The following SLC35F4 variants were observed in gnomAD, a reference collection of about 807,000 sequenced individuals.
SLC35F4 encodes the protein solute carrier family 35 member F4.
SLC35F4 carries 24 observed loss-of-function variants against 44.2 expected under a neutral mutation model. The observed-to-expected ratio is 0.54, with a 90% confidence interval of 0.39 to 0.76. The LOEUF is 0.76. SLC35F4 is among the 30% of genes least tolerant of loss of function. SLC35F4 has a pLI of 0.00. For synonymous variants in SLC35F4, 238 were observed against 223.6 expected, an observed-to-expected ratio of 1.06 and a Z score of -0.57; for missense variants, 562 against 586.1, an observed-to-expected ratio of 0.96 and a Z score of 0.42.
At chr14:57,861,211 G>A (rs1375227796) in intron 1 of SLC35F4, among the ~76,000 whole-genome samples, 2 of 151,948 alleles carry the variant, frequency 1.3e-5, no homozygotes, top group African/African-American at 2.4e-5. Flanking sequence ...CTCTCATTTG[G>A]TGATCTCTCT....
At chr14:57,646,715 G>C (rs1372031716) in intron 1 of SLC35F4, among the ~76,000 whole-genome samples, 1 of 152,084 alleles carries the variant, frequency 6.6e-6, no homozygotes, top group African/African-American at 2.4e-5. Context: ...TGTGATGTTA[G>C]GGTGTCAAAT....
At chr14:57,803,763 T>G (rs1880961259) in intron 1 of SLC35F4, among the ~76,000 whole-genome samples, 2 of 151,976 alleles carry the variant, frequency 1.3e-5, no homozygotes, top group South Asian at 4.2e-4. Context: ...CTAATTTTTG[T>G]ATTGTTAGTA....
At chr14:57,846,152 T>C (rs1886003559) in intron 1 of SLC35F4, among the ~76,000 whole-genome samples, 1 of 152,148 alleles carries the variant, frequency 6.6e-6, no homozygotes, top group Admixed American at 6.6e-5. Context: ...GGTAATCAGA[T>C]AATCTGCCTC....
intron 4 of SLC35F4, chr14:57,578,487 A>AT (rs2068986058): frequency 6.6e-6 from 1 of 151,856 alleles, no homozygotes. Flanking sequence ...AAATGACCTA[A>AT]TTATATGTGT....
At chr14:57,944,225 A>G (rs1345852596) in intron 1 of SLC35F4, among the ~76,000 whole-genome samples, 2 of 152,142 alleles carry the variant, frequency 1.3e-5, no homozygotes, top group Non-Finnish European at 2.9e-5. Context: ...TATCCAATTC[A>G]TTTTATTTTC....
chr14:57,728,441 CTTTTTTTT>C (rs869064667), intron 1 of SLC35F4, among the ~76,000 whole-genome samples: 2 of 59,028 alleles, frequency 3.4e-5, no homozygotes, highest in South Asian at 8.4e-4. Context: ...TTCTTTCTTT[CTTTTTTTT>C]TTTTTTTTTT....
At chr14:57,819,216 C>T (rs1324001666) in intron 1 of SLC35F4, among the ~76,000 whole-genome samples, 1 of 152,046 alleles carries the variant, frequency 6.6e-6, no homozygotes, top group African/African-American at 2.4e-5. Context: ...AAACCAATAA[C>T]ACTCCTTTTT....
At chr14:57,666,191 A>G (rs2074302532) in intron 1 of SLC35F4, among the ~76,000 whole-genome samples, 1 of 152,220 alleles carries the variant, frequency 6.6e-6, no homozygotes, top group Admixed American at 6.5e-5. Flanking sequence ...AGGCACCAAC[A>G]GGGTAAACAA....
At chr14:57,897,856 T>C (rs892342107) in intron 1 of SLC35F4, among the ~76,000 whole-genome samples, 1 of 152,138 alleles carries the variant, frequency 6.6e-6, no homozygotes, top group Non-Finnish European at 1.5e-5. Context: ...GGCTTCTGAA[T>C]ATTTGGGTTT....
At chr14:57,648,593 T>C (rs543955416) in intron 1 of SLC35F4, among the ~76,000 whole-genome samples, 89 of 152,348 alleles carry the variant, frequency 5.8e-4, no homozygotes, top group African/African-American at 2.0e-3. Context: ...TCTGCAAAAC[T>C]ATATTCCTCT....
chr14:57,580,766 G>A (rs1355140174), intron 4 of SLC35F4, among the ~76,000 whole-genome samples: 2 of 151,776 alleles, frequency 1.3e-5, no homozygotes, highest in Non-Finnish European at 1.5e-5. Flanking sequence ...TTTAATTACT[G>A]TTTGGTAATC....
chr14:57,607,223 T>C (rs1403715226), intron 1 of SLC35F4, among the ~76,000 whole-genome samples: 1 of 152,172 alleles, frequency 6.6e-6, no homozygotes, highest in East Asian at 1.9e-4. Context: ...ATTTATGCCT[T>C]GTTCATTAGC....
intron 1 of SLC35F4, among the ~76,000 whole-genome samples, chr14:57,935,848 A>C (rs1330304957): frequency 2.0e-5 from 3 of 152,248 alleles, no homozygotes; most frequent in Non-Finnish European, 4.4e-5. Flanking sequence ...ATTCCAATTT[A>C]AAATTAGGAT....
At chr14:57,894,028 A>T (rs1167169989) in intron 1 of SLC35F4, among the ~76,000 whole-genome samples, 1 of 152,160 alleles carries the variant, frequency 6.6e-6, no homozygotes, top group East Asian at 1.9e-4. Flanking sequence ...ACGTCCCTGC[A>T]TTAATTTGCC....
chr14:57,692,021 A>T (rs536174911), intron 1 of SLC35F4, among the ~76,000 whole-genome samples: 1 of 152,218 alleles, frequency 6.6e-6, no homozygotes, highest in Non-Finnish European at 1.5e-5. Flanking sequence ...ACATGCAAAA[A>T]GGTGAAATAG....
At chr14:57,944,418 T>G (rs1035527004) in intron 1 of SLC35F4, among the ~76,000 whole-genome samples, 9 of 152,152 alleles carry the variant, frequency 5.9e-5, no homozygotes, top group African/African-American at 2.2e-4. Flanking sequence ...TTTACAGAGT[T>G]CTTGTTTCCT....
rs117889504 is a variant in SLC35F4 at position 57,958,349 on chromosome 14, C to A, written n.282+23564G>T. Among the ~76,000 whole-genome samples, 11 of 152,110 alleles carry A rather than the reference C, an allele frequency of 7.2e-5. 1 individual carries two copies. Among genetic ancestry groups the A allele is most frequent in the Admixed American group, 7.2e-4 (11 of 15,272 alleles). ...CTGAGATTACATGCGTGAGCCACTG[C>A]GCCAGGCAATTAGATGAATGTTGAA... On this transcript the variant is annotated intron_variant and non_coding_transcript_variant, in intron 1 of 1. Coordinates refer to the SLC35F4 transcript ENST00000556568.
At chr14:57,777,363 A>G (rs1027572593) in intron 1 of SLC35F4, among the ~76,000 whole-genome samples, 10 of 152,232 alleles carry the variant, frequency 6.6e-5, no homozygotes, top group Non-Finnish European at 1.2e-4. Flanking sequence ...AATAGCAAAG[A>G]CTTGGAACCA....
chr14:57,965,660 G>T (rs1256011247), intron 1 of SLC35F4, among the ~76,000 whole-genome samples: 1 of 152,174 alleles, frequency 6.6e-6, no homozygotes, highest in Non-Finnish European at 1.5e-5. Flanking sequence ...CTTTGGCCAG[G>T]CACATTTTGA....
Sources: allele counts gnomAD v4.1 joint callset (sites outside exome capture counted in the v4.1 genomes callset), GRCh38; gene constraint gnomAD v4.1.1; transcripts MANE v1.5; gene names NCBI Gene and HGNC (gene_info 2026-07-23, HGNC 2026-07-21).